Variants in CTNNA3 observed in about 807,000 individuals in gnomAD.
CTNNA3 encodes catenin alpha 3.
In CTNNA3, 76 loss-of-function variants were observed where a neutral mutation model predicts 95.7. The ratio of observed to expected loss-of-function variants is 0.79; its 90% CI spans 0.66 to 0.96. The LOEUF (loss-of-function observed/expected upper bound fraction) is 0.96. Among genes scored for constraint, CTNNA3 ranks in the 40% least tolerant of loss-of-function variants. CTNNA3 has a pLI of 0.00. For missense variants in CTNNA3, 1,191 were observed against 1,089.8 expected (o/e 1.09, Z -1.31); for synonymous variants, 431 against 374.4 (o/e 1.15, Z -1.74).
At chr10:66,826,983 T>C (rs1227412049) in intron 7 of CTNNA3, among the ~76,000 whole-genome samples, 1 of 152,174 alleles carries the variant, frequency 6.6e-6, no homozygotes, top group Non-Finnish European at 1.5e-5. Context: ...CCAAGTTACT[T>C]ATGATTTTCC....
At chr10:67,175,240 G>A (rs575812691) in intron 7 of CTNNA3, among the ~76,000 whole-genome samples, 1 of 152,080 alleles carries the variant, frequency 6.6e-6, no homozygotes, top group South Asian at 2.1e-4. Flanking sequence ...TATTCAAAAA[G>A]CCATTGCATA....
At chr10:67,489,853 A>G (rs1466805575) in intron 5 of CTNNA3, among the ~76,000 whole-genome samples, 1 of 151,194 alleles carries the variant, frequency 6.6e-6, no homozygotes, top group Non-Finnish European at 1.5e-5. Flanking sequence ...ATTCATTTAA[A>G]TTTTGGACAT....
chr10:66,041,150 A>C (rs900301187), intron 15 of CTNNA3, among the ~76,000 whole-genome samples: 5 of 152,318 alleles, frequency 3.3e-5, no homozygotes, highest in Non-Finnish European at 7.4e-5. Context: ...CCAAAAATGC[A>C]TAACTTCAAT....
intron 7 of CTNNA3, among the ~76,000 whole-genome samples, chr10:66,984,598 C>A (rs985693849): frequency 1.3e-5 from 2 of 152,044 alleles, no homozygotes; most frequent in African/African-American, 2.4e-5. Context: ...CTTCTCAATG[C>A]GTTCATGATT....
intron 11 of CTNNA3, among the ~76,000 whole-genome samples, chr10:66,434,906 G>C (rs2093326214): frequency 6.8e-6 from 1 of 147,946 alleles, no homozygotes. Flanking sequence ...AGATAATCAT[G>C]TGTTTTTTTT....
At chr10:66,328,367 A>C (rs1193014218) in intron 12 of CTNNA3, among the ~76,000 whole-genome samples, 1 of 152,080 alleles carries the variant, frequency 6.6e-6, no homozygotes, top group African/African-American at 2.4e-5. Context: ...TGTTAGATTA[A>C]GTAGTATCAA....
chr10:66,088,835 T>C (rs906763627), intron 14 of CTNNA3, among the ~76,000 whole-genome samples: 2 of 152,124 alleles, frequency 1.3e-5, no homozygotes, highest in Non-Finnish European at 2.9e-5. Flanking sequence ...ACAATTAACA[T>C]ACTTACTATA....
chr10:66,051,129 C>A (rs2079948708), intron 15 of CTNNA3, among the ~76,000 whole-genome samples: 1 of 152,144 alleles, frequency 6.6e-6, no homozygotes, highest in African/African-American at 2.4e-5. Context: ...CCCATCTTAG[C>A]CTCCCAAAGT....
intron 10 of CTNNA3, among the ~76,000 whole-genome samples, chr10:66,595,315 T>C (rs1277366658): frequency 6.8e-6 from 1 of 147,538 alleles, no homozygotes; most frequent in Non-Finnish European, 1.5e-5. Flanking sequence ...TATTCCTTGT[T>C]GATTGATTGA....
At chr10:66,203,935 C>A (rs567186249) in intron 13 of CTNNA3, among the ~76,000 whole-genome samples, 1 of 152,070 alleles carries the variant, frequency 6.6e-6, no homozygotes, top group East Asian at 1.9e-4. Context: ...CTAGTAGAGA[C>A]CACGTATTTC....
intron 10 of CTNNA3, among the ~76,000 whole-genome samples, chr10:66,551,097 G>A (rs1353515178): frequency 7.2e-5 from 11 of 152,086 alleles, no homozygotes; most frequent in Middle Eastern, 3.4e-3. Context: ...AAGACATGAC[G>A]GAAGGTCCAG....
At chr10:67,434,718 G>A (rs910704079) in intron 5 of CTNNA3, among the ~76,000 whole-genome samples, 1 of 151,904 alleles carries the variant, frequency 6.6e-6, no homozygotes, top group African/African-American at 2.4e-5. Flanking sequence ...GAAATTTAAA[G>A]CTGAAACCTA....
At chr10:67,577,036 C>A (rs1225866301) in intron 3 of CTNNA3, among the ~76,000 whole-genome samples, 1 of 150,348 alleles carries the variant, frequency 6.7e-6, no homozygotes, top group Non-Finnish European at 1.5e-5. Flanking sequence ...GTCTTTATAG[C>A]AGCATGATTT....
intron 11 of CTNNA3, among the ~76,000 whole-genome samples, chr10:66,401,756 T>C (rs1198440649): frequency 2.0e-5 from 3 of 151,378 alleles, no homozygotes; most frequent in South Asian, 2.1e-4. Context: ...TCTCCCAGGT[T>C]CAAGTGATTC....
intron 12 of CTNNA3, among the ~76,000 whole-genome samples, chr10:66,368,154 T>A (rs1176930189): frequency 6.6e-6 from 1 of 151,980 alleles, no homozygotes; most frequent in African/African-American, 2.4e-5. Flanking sequence ...TGAGTTCTTA[T>A]GCACACAAAA....
intron 10 of CTNNA3, among the ~76,000 whole-genome samples, chr10:66,568,529 T>C (rs1842778863): frequency 6.6e-6 from 1 of 152,020 alleles, no homozygotes; most frequent in African/African-American, 2.4e-5. Context: ...AAAGGATATA[T>C]CTTGGGGGTG....
intron 12 of CTNNA3, among the ~76,000 whole-genome samples, chr10:66,287,649 T>G (rs2091612492): frequency 1.3e-5 from 2 of 152,220 alleles, no homozygotes; most frequent in South Asian, 4.1e-4. Context: ...AGACTTTTCA[T>G]GAGAAAGGCT....
intron 2 of CTNNA3, among the ~76,000 whole-genome samples, chr10:67,628,058 ATAAT>A (rs1043418798): frequency 3.4e-4 from 51 of 151,584 alleles, no homozygotes; most frequent in African/African-American, 1.2e-3. Context: ...GAATTTCAAA[ATAAT>A]TAAGGTGAAT....
At chr10:66,208,321 G>A (rs565407409) in intron 13 of CTNNA3, among the ~76,000 whole-genome samples, 14 of 152,142 alleles carry the variant, frequency 9.2e-5, no homozygotes, top group Non-Finnish European at 1.5e-4. Context: ...CATATTAACA[G>A]GAAATAGATT....
Sources: allele counts gnomAD v4.1 joint callset (sites outside exome capture counted in the v4.1 genomes callset), GRCh38; gene constraint gnomAD v4.1.1; transcripts MANE v1.5; gene names NCBI Gene and HGNC (gene_info 2026-07-23, HGNC 2026-07-21).